WWOX: variants seen among roughly 807,000 people sequenced by gnomAD.
WWOX encodes WW domain-containing oxidoreductase.
A neutral mutation model predicts 46.2 loss-of-function variants in WWOX; 69 were observed. The ratio of observed to expected loss-of-function variants is 1.49; its 90% CI spans 1.23 to 1.82. The LOEUF (loss-of-function observed/expected upper bound fraction) is 1.82, where lower values mean the gene tolerates loss of function less well. Among genes scored for constraint, WWOX ranks in the 40% most tolerant of loss-of-function variants. The probability of loss-of-function intolerance (pLI) is 0.00; values close to 1 mark genes in which losing one functional copy is unlikely to be tolerated. For missense variants in WWOX, 919 were observed against 542.6 expected (o/e 1.69, Z -6.89); for synonymous variants, 359 against 202.6 (o/e 1.77, Z -6.56).
chr16:78,611,691 A>G (rs745898876), intron 8 of WWOX, among the ~76,000 whole-genome samples: 1 of 152,274 alleles, frequency 6.6e-6, no homozygotes, highest in Non-Finnish European at 1.5e-5. Context: ...AGTTCCAAAT[A>G]TCAGTGCTTT....
intron 8 of WWOX, among the ~76,000 whole-genome samples, chr16:78,836,425 C>G (rs1006470568): frequency 1.3e-5 from 2 of 152,120 alleles, no homozygotes; most frequent in Non-Finnish European, 2.9e-5. Flanking sequence ...GAAACTTATT[C>G]CCGCAAGGAC....
At chr16:78,964,459 G>C (rs1365254106) in intron 8 of WWOX, among the ~76,000 whole-genome samples, 1 of 152,196 alleles carries the variant, frequency 6.6e-6, no homozygotes, top group Non-Finnish European at 1.5e-5. Flanking sequence ...CTTTGAACTT[G>C]AGAAAGATGA....
rs58779134 is a variant in WWOX at position 79,146,427 on chromosome 16, C to T, written c.1057-65181C>T. Among the ~76,000 whole-genome samples, 543 of 152,190 alleles carry T rather than the reference C, an allele frequency of 3.6e-3. 1 individual carries two copies. The highest frequency in any genetic ancestry group is 0.01 in the African/African-American group (435 of 41,524). ...TTATATCATCCTGTGTTGCTGCATC[C>T]GATCACAGGTCTGTGGCTGACCTGG... On this transcript the variant is annotated intron_variant, in intron 8 of 8. Transcript: ENST00000566780.
At chr16:78,413,953 C>T (rs549862651) in intron 6 of WWOX, among the ~76,000 whole-genome samples, 4 of 151,888 alleles carry the variant, frequency 2.6e-5, no homozygotes, top group African/African-American at 7.2e-5. Context: ...CATATACATC[C>T]AGATGGCCTG....
intron 8 of WWOX, among the ~76,000 whole-genome samples, chr16:79,043,772 C>T (rs1016475297): frequency 6.6e-6 from 1 of 152,198 alleles, no homozygotes; most frequent in Non-Finnish European, 1.5e-5. Context: ...AGACACCTTT[C>T]TTTCTCTGGT....
intron 8 of WWOX, among the ~76,000 whole-genome samples, chr16:78,837,331 C>T (rs935157702): frequency 3.9e-5 from 6 of 152,160 alleles, no homozygotes; most frequent in African/African-American, 1.4e-4. Context: ...GGCAGTGACT[C>T]CTTTATTCCC....
intron 5 of WWOX, among the ~76,000 whole-genome samples, chr16:78,374,507 C>T (rs1597122546): frequency 7.6e-6 from 1 of 131,204 alleles, no homozygotes; most frequent in Admixed American, 7.5e-5. Flanking sequence ...GTTTTGAGTC[C>T]TCAACTTTTT....
At chr16:78,975,477 T>C (rs545655404) in intron 8 of WWOX, among the ~76,000 whole-genome samples, 27 of 151,480 alleles carry the variant, frequency 1.8e-4, no homozygotes, top group Admixed American at 3.9e-4. Flanking sequence ...TTTTTCATTA[T>C]GGCCCCCTCC....
Position 79,151,873 on chromosome 16 carries a change from G to A in WWOX, c.1057-59735G>A, listed in dbSNP as rs146168369. On this transcript the variant is annotated intron_variant, in intron 8 of 8. Coordinates refer to ENST00000566780, the MANE Select transcript of WWOX (RefSeq NM_016373.4). ...GATGATAATTCTCTTTTCTTTGACT[G>A]GGGACTTGCCTTTGTTTATCTTTTT... Among the ~76,000 whole-genome samples the A allele has an allele frequency of 3.1e-3, 470 of 152,268 alleles. 4 individuals are homozygous for A. The highest frequency in any genetic ancestry group is 0.011 in the African/African-American group (453 of 41,562).
At chr16:79,122,441 C>G (rs1430576417) in intron 8 of WWOX, among the ~76,000 whole-genome samples, 1 of 152,122 alleles carries the variant, frequency 6.6e-6, no homozygotes, top group African/African-American at 2.4e-5. Flanking sequence ...AGCACGGCAT[C>G]TCTTCTTTCT....
chr16:79,133,148 A>T (rs1479703325), intron 8 of WWOX, among the ~76,000 whole-genome samples: 1 of 152,156 alleles, frequency 6.6e-6, no homozygotes, highest in Admixed American at 6.5e-5. Flanking sequence ...TGTGTGCCCG[A>T]GTTTATTTTC....
chr16:78,133,097 C>G (rs888080945), intron 4 of WWOX, among the ~76,000 whole-genome samples: 1 of 152,082 alleles, frequency 6.6e-6, no homozygotes, highest in African/African-American at 2.4e-5. Context: ...CACCATCAAC[C>G]TTGAGGGAGT....
chr16:79,131,128 C>G (rs936492698), intron 8 of WWOX, among the ~76,000 whole-genome samples: 3 of 152,146 alleles, frequency 2.0e-5, no homozygotes, highest in African/African-American at 4.8e-5. Flanking sequence ...CCATGCTGCC[C>G]CTGCCTCCCG....
At chr16:78,776,928 G>T (rs1019362416) in intron 8 of WWOX, among the ~76,000 whole-genome samples, 2 of 152,092 alleles carry the variant, frequency 1.3e-5, no homozygotes, top group Non-Finnish European at 2.9e-5. Flanking sequence ...TAACATGTGG[G>T]GATTACAGCT....
intron 8 of WWOX, among the ~76,000 whole-genome samples, chr16:78,561,188 C>A (rs1386164473): frequency 1.3e-5 from 2 of 152,164 alleles, no homozygotes; most frequent in Non-Finnish European, 2.9e-5. Context: ...CATTCCTTGA[C>A]TTTTGGCCCC....
intron 8 of WWOX, among the ~76,000 whole-genome samples, chr16:78,997,741 G>C (rs2047018120): frequency 1.3e-5 from 2 of 151,870 alleles, no homozygotes; most frequent in Admixed American, 1.3e-4. Context: ...AAATATTCAA[G>C]CTGGCTTTAG....
intron 8 of WWOX, among the ~76,000 whole-genome samples, chr16:78,706,903 T>C (rs1228569760): frequency 6.6e-6 from 1 of 152,150 alleles, no homozygotes; most frequent in Admixed American, 6.6e-5. Context: ...GCCCAAGCAG[T>C]GTTCCCGCCT....
chr16:78,424,893 A>T lies in WWOX; in HGVS notation c.629A>T (p.Asn210Ile). The change falls in exon 7 of 9, where the codon AAC becomes ATC. Residue 210 changes from asparagine (N) to isoleucine (I), a missense_variant. Asn to Ile is a moderately radical substitution (Grantham distance 149). Coordinates refer to ENST00000566780, the MANE Select transcript of WWOX (RefSeq NM_016373.4). ...KNVPLHVLVC[N>I]AATFALPWSL... ...AGGCCTCTTCATGTGCTTGTGTGCA[A>T]CGCAGCAACTTTTGCTCTACCCTGG... 1 of 1,614,064 alleles carries T rather than the reference A, an allele frequency of 6.2e-7. No homozygotes were observed. The highest frequency in any genetic ancestry group is 8.5e-7 in the Non-Finnish European group (1 of 1,180,018).
intron 5 of WWOX, among the ~76,000 whole-genome samples, chr16:78,329,757 T>C (rs566557943): frequency 7.0e-4 from 107 of 151,938 alleles, no homozygotes; most frequent in Non-Finnish European, 1.1e-3. Flanking sequence ...TTTCTTTTTT[T>C]TTTTTTTGAG....
Sources: gnomAD v4.1 joint callset for allele counts (sites outside exome capture counted in the v4.1 genomes callset) on GRCh38, gnomAD v4.1.1 for gene constraint, MANE v1.5 for transcripts, NCBI Gene and HGNC (gene_info 2026-07-23, HGNC 2026-07-21) for gene names.